The following SREK1IP1 variants were observed in gnomAD, a reference collection of about 807,000 sequenced individuals.
SREK1IP1 encodes the protein protein SREK1IP1.
SREK1IP1 carries 12 observed loss-of-function variants against 22.8 expected under a neutral mutation model. That is an observed-to-expected ratio of 0.53 (90% CI 0.34 to 0.85). The LOEUF is 0.85. Ranked by LOEUF, SREK1IP1 falls within the 40% of genes least tolerant of loss-of-function variation. The pLI is 0.02. For missense variants in SREK1IP1, 147 were observed against 171.8 expected (o/e 0.86, Z 0.81); for synonymous variants, 53 against 52.7 (o/e 1.01, Z -0.02).
chr5:64,748,791 A>C (rs995743965), intron 2 of SREK1IP1, among the ~76,000 whole-genome samples: 3 of 152,198 alleles, frequency 2.0e-5, no homozygotes, highest in African/African-American at 7.2e-5. Context: ...CAATTTGCCT[A>C]ATGTCACATA....
intron 1 of SREK1IP1, among the ~76,000 whole-genome samples, chr5:64,765,463 C>T (rs1361374964): frequency 6.6e-6 from 1 of 152,170 alleles, no homozygotes; most frequent in Admixed American, 6.5e-5. Context: ...AATACTTGTC[C>T]TCCTTGATGA....
intron 3 of SREK1IP1, among the ~76,000 whole-genome samples, chr5:64,729,721 C>G (rs7730515): frequency 0.45 from 68,977 of 151,894 alleles, 19,178 homozygotes; most frequent in African/African-American, 0.78. Context: ...TATGTGTGTG[C>G]GAAGGATGAT....
At chr5:64,742,889 A>G (rs951247302) in intron 2 of SREK1IP1, among the ~76,000 whole-genome samples, 1 of 152,184 alleles carries the variant, frequency 6.6e-6, no homozygotes, top group Non-Finnish European at 1.5e-5. Flanking sequence ...CTAGTCTGCC[A>G]TATTATTGGA....
chr5:64,754,387 T>C, intron 1 of SREK1IP1, 25 bp from the exon 2 acceptor site: 3 of 1,609,538 alleles, frequency 1.9e-6, no homozygotes, highest in Non-Finnish European at 2.5e-6. Flanking sequence ...GATAGAATTT[T>C]AGGAAGTAAA....
intron 3 of SREK1IP1, among the ~76,000 whole-genome samples, chr5:64,735,528 C>T (rs1047246324): frequency 1.3e-5 from 2 of 152,064 alleles, no homozygotes; most frequent in African/African-American, 4.8e-5. Flanking sequence ...TTAAACTAAA[C>T]ATTTAACTTA....
intron 3 of SREK1IP1, among the ~76,000 whole-genome samples, chr5:64,738,867 C>T (rs1052112766): frequency 1.1e-4 from 17 of 152,280 alleles, no homozygotes; most frequent in South Asian, 2.1e-4. Context: ...TCTATTTTCA[C>T]GCTTGGCTAA....
At chr5:64,737,634 G>T (rs1289212526) in intron 3 of SREK1IP1, among the ~76,000 whole-genome samples, 2 of 143,254 alleles carry the variant, frequency 1.4e-5, no homozygotes, top group Admixed American at 1.4e-4. Flanking sequence ...AAAGCCCAAA[G>T]AAACTAAGAG....
intron 1 of SREK1IP1, among the ~76,000 whole-genome samples, chr5:64,761,548 T>C (rs767014035): frequency 6.6e-6 from 1 of 152,248 alleles, no homozygotes; most frequent in Non-Finnish European, 1.5e-5. Context: ...GTATTGATAC[T>C]ACAAGCAGTT....
chr5:64,765,818 T>C (rs1174092313), intron 1 of SREK1IP1, among the ~76,000 whole-genome samples: 1 of 152,254 alleles, frequency 6.6e-6, no homozygotes, highest in Non-Finnish European at 1.5e-5. Context: ...CATTTTCATG[T>C]ACTGCTTAAA....
At chr5:64,768,430 A>C in intron 1 of SREK1IP1, 75 bp downstream of exon 1, 1 of 1,601,304 alleles carries the variant, frequency 6.2e-7, no homozygotes, top group Non-Finnish European at 8.6e-7. Context: ...TGCTCCGTAC[A>C]CGCCGCACCC....
chr5:64,719,217 T>A lies in SREK1IP1; in HGVS notation c.*5167A>T, dbSNP rs1439292116. 2 of 152,200 alleles carry A rather than the reference T, an allele frequency of 1.3e-5. No individual in the cohort carries two copies. The highest frequency in any genetic ancestry group is 2.9e-5 in the Non-Finnish European group (2 of 68,038). The allele number at this position is 152,200 out of a possible 1,614,324, so 9.4% of individuals were successfully genotyped here. A position where few individuals can be genotyped will look rare whatever the true frequency, so the allele number is the denominator to read the frequency against. ...TGAAAAAATAAAATTTTTCATTTAT[T>A]TAATTAATTTAAATAACCCTATGTG... On this transcript the variant is annotated 3_prime_UTR_variant, in exon 5 of 5. Coordinates refer to ENST00000513458, the MANE Select transcript of SREK1IP1 (RefSeq NM_173829.4).
intron 3 of SREK1IP1, among the ~76,000 whole-genome samples, chr5:64,734,990 G>T (rs1218208707): frequency 6.6e-6 from 1 of 151,460 alleles, no homozygotes; most frequent in Non-Finnish European, 1.5e-5. Context: ...TGTTTCTTAT[G>T]TTATGGAAGG....
chr5:64,749,688 G>C (rs1455032484), intron 2 of SREK1IP1, among the ~76,000 whole-genome samples: 2 of 152,138 alleles, frequency 1.3e-5, no homozygotes, highest in Admixed American at 1.3e-4. Flanking sequence ...CAATCTGCCT[G>C]TCTCAGCCTC....
chr5:64,767,266 T>C (rs778367069), intron 1 of SREK1IP1, among the ~76,000 whole-genome samples: 5 of 152,208 alleles, frequency 3.3e-5, no homozygotes, highest in Admixed American at 2.6e-4. Flanking sequence ...CTGTATGTGT[T>C]TGGTGCCCTT....
At chr5:64,746,817 C>T (rs1742645996) in intron 2 of SREK1IP1, among the ~76,000 whole-genome samples, 2 of 152,148 alleles carry the variant, frequency 1.3e-5, no homozygotes, top group African/African-American at 4.8e-5. Flanking sequence ...AGGGCTCAGA[C>T]CCACAAGACT....
rs561793180 is a variant in SREK1IP1 at position 64,718,176 on chromosome 5, C to T, written c.*6208G>A. On this transcript the variant is annotated 3_prime_UTR_variant, in exon 5 of 5. Coordinates refer to ENST00000513458, the MANE Select transcript of SREK1IP1 (RefSeq NM_173829.4). ...TTGATCATTCAGTTACTTTATTAAA[C>T]GCACATTAAGGTTTTATTGGTTTTC... 128 of 560,280 alleles carry T rather than the reference C, an allele frequency of 2.3e-4. 1 individual carries two copies. Among genetic ancestry groups the T allele is most frequent in the South Asian group, 1.6e-3 (45 of 27,446 alleles). 34.7% of individuals were successfully genotyped at this position (560,280 alleles called of 1,614,324 possible). A position where few individuals can be genotyped will look rare whatever the true frequency, so the allele number is the denominator to read the frequency against.
intron 1 of SREK1IP1, 112 bp from the exon 2 acceptor site, chr5:64,754,474 TTTG>T (rs2112108242): frequency 2.7e-6 from 3 of 1,093,976 alleles, no homozygotes; most frequent in East Asian, 5.2e-5. Context: ...TTTCTTTTTT[TTTG>T]TTGTTGAGAC....
At chr5:64,766,867 C>T (rs1378304463) in intron 1 of SREK1IP1, among the ~76,000 whole-genome samples, 1 of 152,174 alleles carries the variant, frequency 6.6e-6, no homozygotes, top group Non-Finnish European at 1.5e-5. Flanking sequence ...AGATAGAATA[C>T]AATGTTTGAT....
chr5:64,730,857 C>T (rs1012308166), intron 3 of SREK1IP1, among the ~76,000 whole-genome samples: 1 of 152,142 alleles, frequency 6.6e-6, no homozygotes, highest in African/African-American at 2.4e-5. Flanking sequence ...CAAAGAGGTT[C>T]ATCCATATTT....
Sources: gnomAD v4.1 joint callset for allele counts (sites outside exome capture counted in the v4.1 genomes callset) on GRCh38, gnomAD v4.1.1 for gene constraint, MANE v1.5 for transcripts, NCBI Gene and HGNC (gene_info 2026-07-23, HGNC 2026-07-21) for gene names.